The following PCDHA6 variants were observed in gnomAD, a reference collection of about 807,000 sequenced individuals.
The protein encoded by PCDHA6 is protocadherin alpha-6.
In PCDHA6, 55 loss-of-function variants were observed where a neutral mutation model predicts 60.3. The observed-to-expected ratio is 0.91, with a 90% confidence interval of 0.73 to 1.14. PCDHA6 has a LOEUF of 1.14. Ranked by LOEUF, PCDHA6 falls within the 50% of genes most tolerant of loss-of-function variation. PCDHA6 has a pLI of 0.00. For synonymous variants in PCDHA6, 652 were observed against 557.9 expected, an observed-to-expected ratio of 1.17 and a Z score of -2.38; for missense variants, 1,327 against 1,256.5, an observed-to-expected ratio of 1.06 and a Z score of -0.85.
intron 1 of PCDHA6, 41 bp from the exon 2 acceptor site, chr5:140,978,908 T>C: frequency 6.2e-7 from 1 of 1,613,772 alleles, no homozygotes; most frequent in Non-Finnish European, 8.5e-7. Context: ...GAGAACATTG[T>C]CTTGTCATTT....
At chr5:140,856,128 G>C in intron 1 of PCDHA6, 1 of 1,598,140 alleles carries the variant, frequency 6.3e-7, no homozygotes, top group Non-Finnish European at 8.6e-7. Context: ...GAGGTGGGGA[G>C]CGGCCAGCTC....
chr5:140,830,013 A>G lies in PCDHA6; in HGVS notation c.1922A>G (p.Asp641Gly), dbSNP rs2150179527. 6 of 1,613,450 alleles carry G rather than the reference A, an allele frequency of 3.7e-6. No individual in the cohort carries two copies. The East Asian group carries it at 1.1e-4, about 30-fold the overall frequency. ...ISTTRVLDEADSPRHRLLVLV... is the reference protein window; with the variant it reads ...ISTTRVLDEAGSPRHRLLVLV... Reference sequence around the variant, plus strand: ...ACCACTCGTGTCCTGGACGAAGCGGACTCTCCGCGCCACCGGCTGCTGGTG... The same window carrying G: ...ACCACTCGTGTCCTGGACGAAGCGGGCTCTCCGCGCCACCGGCTGCTGGTG... Residue 641 changes from aspartate to glycine, a missense_variant, in exon 1 of 4, where the codon GAC (aspartate) becomes GGC (glycine). Asp to Gly is a moderately conservative substitution (Grantham distance 94). Coordinates refer to ENST00000529310, the MANE Select transcript of PCDHA6 (RefSeq NM_018909.4).
At position 140,829,231 on chromosome 5, in the gene PCDHA6, T is replaced by A. The variant is rs2150164314; in HGVS notation, c.1140T>A (p.Gly380=). ...ALISVNDLDS[G]ANGQVNCSLT... is the part of the protein sequence containing the mutation. Reference sequence around the variant, plus strand: ...TTAGCGTGAACGACCTCGATTCAGGTGCCAACGGGCAGGTGAACTGCTCGC... The same window carrying A: ...TTAGCGTGAACGACCTCGATTCAGGAGCCAACGGGCAGGTGAACTGCTCGC... Residue 380 remains glycine, a synonymous_variant, in exon 1 of 4, where the codon GGT becomes GGA. Transcript: ENST00000529310. 6 of 1,614,244 alleles carry A rather than the reference T, an allele frequency of 3.7e-6. No homozygotes were observed. The highest frequency in any genetic ancestry group is 5.1e-6 in the Non-Finnish European group (6 of 1,180,052).
chr5:140,969,538 G>A (rs916768919), intron 1 of PCDHA6: 11 of 1,304,024 alleles, frequency 8.4e-6, no homozygotes, highest in African/African-American at 1.5e-5. Flanking sequence ...TTCATTTTCA[G>A]AGGCATGAAG....
intron 1 of PCDHA6, chr5:140,870,430 G>A: frequency 6.2e-7 from 1 of 1,614,226 alleles, no homozygotes; most frequent in Non-Finnish European, 8.5e-7. Context: ...GGTATCCGTG[G>A]AGGTGGCCGA....
chr5:140,999,363 A>G (rs772527438), intron 3 of PCDHA6, among the ~76,000 whole-genome samples: 1 of 152,198 alleles, frequency 6.6e-6, no homozygotes, highest in Non-Finnish European at 1.5e-5. Flanking sequence ...AATGTTCACA[A>G]TCCCATTAGA....
chr5:140,942,280 C>T (rs1157451404), intron 1 of PCDHA6, among the ~76,000 whole-genome samples: 6 of 152,030 alleles, frequency 3.9e-5, no homozygotes, highest in African/African-American at 1.5e-4. Context: ...AATGGTGGCT[C>T]ATGCCTGTAA....
rs376943163 is a variant in PCDHA6 at position 140,883,718 on chromosome 5, G to C, written c.2394+53233G>C. On this transcript the variant is annotated intron_variant, in intron 1 of 3. Coordinates refer to ENST00000529310, the MANE Select transcript of PCDHA6 (RefSeq NM_018909.4). The stretch of plus-strand genomic sequence containing the variant: ...CACGGTGTCTGCTCAGGACGCGGAC[G>C]CACAGGAGAACGCGCTGGTCTCCTA... The C allele has an allele frequency of 5.0e-5, 81 of 1,613,524 alleles. No homozygotes were observed. Among genetic ancestry groups the C allele is most frequent in the Non-Finnish European group, 6.4e-5 (75 of 1,179,854 alleles).
intron 1 of PCDHA6, among the ~76,000 whole-genome samples, chr5:140,912,858 A>G (rs1554195572): frequency 6.6e-6 from 1 of 152,192 alleles, no homozygotes; most frequent in East Asian, 1.9e-4. Context: ...ATCAATTGAA[A>G]TGATATATGG....
intron 1 of PCDHA6, among the ~76,000 whole-genome samples, chr5:140,898,033 G>T (rs1293808474): frequency 2.6e-5 from 4 of 152,032 alleles, no homozygotes; most frequent in African/African-American, 9.7e-5. Flanking sequence ...TTTTGATGGG[G>T]TTGTTTGTTT....
At chr5:140,966,655 G>C in intron 1 of PCDHA6, 1 of 1,195,250 alleles carries the variant, frequency 8.4e-7, no homozygotes, top group South Asian at 2.0e-5. Context: ...CGTGAGCGGT[G>C]GGGGAGCAGG....
At chr5:140,895,036 A>T (rs1207978693) in intron 1 of PCDHA6, among the ~76,000 whole-genome samples, 1 of 151,998 alleles carries the variant, frequency 6.6e-6, no homozygotes, top group Non-Finnish European at 1.5e-5. Flanking sequence ...ATTGTCCCCC[A>T]CCCACACCAT....
rs2150412842 is a variant in PCDHA6 at position 140,848,560 on chromosome 5, C to A, written c.2394+18075C>A. 2.5e-6 allele frequency: 4 copies of A among 1,595,490 alleles called. No homozygotes were observed. The highest frequency in any genetic ancestry group is 3.4e-5 in the Admixed American group (2 of 59,252). On this transcript the variant is annotated intron_variant, in intron 1 of 3. Coordinates refer to ENST00000529310, the MANE Select transcript of PCDHA6 (RefSeq NM_018909.4). ...CTACTGCTCTCGCTTCTGATCCTCG[C>A]AATGTGGGTGGTGGGGAGCGGCCAG...
chr5:140,865,075 C>T (rs1441744566), intron 1 of PCDHA6: 2 of 152,110 alleles, frequency 1.3e-5, no homozygotes, highest in African/African-American at 4.8e-5. Flanking sequence ...AGTATAAGAA[C>T]CATGGGATAT....
rs1427962519 is a variant in PCDHA6, at chr5:140,828,008, A to T, written c.-84A>T. 2 of 1,505,342 alleles carry T rather than the reference A, an allele frequency of 1.3e-6. No homozygotes were observed. Among genetic ancestry groups the T allele is most frequent in the African/African-American group, 2.8e-5 (2 of 71,402 alleles). 93.2% of individuals were successfully genotyped at this position (1,505,342 alleles called of 1,614,324 possible). A position where few individuals can be genotyped will look rare whatever the true frequency, so the allele number is the denominator to read the frequency against. ...TTGAATGATGGCGGACGCAGAAGAA[A>T]TGGATTAATAAATTCCGGAACATAC... On this transcript the variant is annotated 5_prime_UTR_variant, in exon 1 of 4. An upstream start codon of the reference 5' UTR is lost. Transcript: ENST00000529310.
chr5:140,925,282 T>C (rs1371569064), intron 1 of PCDHA6, among the ~76,000 whole-genome samples: 1 of 152,184 alleles, frequency 6.6e-6, no homozygotes, highest in Admixed American at 6.5e-5. Context: ...GATTTTGCCT[T>C]TCAAATGTTT....
chr5:140,972,411 G>A (rs1258321444), intron 1 of PCDHA6, among the ~76,000 whole-genome samples: 1 of 151,680 alleles, frequency 6.6e-6, no homozygotes, highest in Non-Finnish European at 1.5e-5. Flanking sequence ...GGCAAACCCT[G>A]TTAAGATCTT....
intron 1 of PCDHA6, chr5:140,883,930 C>A: frequency 2.5e-6 from 4 of 1,613,066 alleles, no homozygotes; most frequent in Non-Finnish European, 3.4e-6. Flanking sequence ...TGCAGGTGTT[C>A]GTGCTGGACG....
In PCDHA6 at chr5:140,836,794, C is replaced by T. The variant is rs2150270032; in HGVS notation, c.2394+6309C>T. 8 of 1,396,752 alleles carry T rather than the reference C, an allele frequency of 5.7e-6. No individual in the cohort carries two copies. In the African/African-American group the frequency reaches 7.2e-5, roughly 13 times the overall value. The allele number at this position is 1,396,752 out of a possible 1,614,324, so 86.5% of individuals were successfully genotyped here. A position where few individuals can be genotyped will look rare whatever the true frequency, so the allele number is the denominator to read the frequency against. The stretch of plus-strand genomic sequence containing the variant: ...TTTTAAAACAATTAGTTCAATTGGT[C>T]TCCTTAAATTTTCTTTCATAATTTC... On this transcript the variant is annotated intron_variant, in intron 1 of 3. Transcript: ENST00000529310.
Sources: gnomAD v4.1 joint callset for allele counts (sites outside exome capture counted in the v4.1 genomes callset) on GRCh38, gnomAD v4.1.1 for gene constraint, MANE v1.5 for transcripts, NCBI Gene and HGNC (gene_info 2026-07-23, HGNC 2026-07-21) for gene names.